CGB8: variants seen among roughly 807,000 people sequenced by gnomAD.
CGB8 encodes chorionic gonadotropin, beta polypeptide 8.
CGB8 carries 2 observed loss-of-function variants against 7.6 expected under a neutral mutation model. That is an observed-to-expected ratio of 0.26 (90% confidence interval 0.11 to 0.83). The LOEUF is 0.83. Ranked by LOEUF, CGB8 falls within the 40% of genes least tolerant of loss-of-function variation. The pLI is 0.65. For synonymous variants in CGB8, 8 were observed against 91.5 expected, an observed-to-expected ratio of 0.09 and a Z score of 5.21; for missense variants, 16 against 208.2, an observed-to-expected ratio of 0.08 and a Z score of 5.68.
Position 49,048,870 on chromosome 19 carries a change from A to T in CGB8, c.-131T>A. The T allele has an allele frequency of 2.0e-6, 3 of 1,533,946 alleles. No homozygotes were observed. Among genetic ancestry groups the T allele is most frequent in the East Asian group, 2.3e-5 (1 of 44,386 alleles). On this transcript the variant is annotated 5_prime_UTR_variant, in exon 1 of 3. The change creates a new upstream start codon in the 5' untranslated region. Transcript: ENST00000448456. ...CCCTTCGGGGGGCAAGAGGTAGACA[A>T]GGCCAGGGGGGCGCAGGAGTGGCTC... is the stretch of plus-strand genomic sequence containing the variant.
At chr19:49,048,704 C>A (rs572481526) in intron 1 of CGB8, 21 bp downstream of exon 1, 15 of 1,612,922 alleles carry the variant, frequency 9.3e-6, no homozygotes, top group Admixed American at 1.7e-5. Context: ...TGGAAGGTGC[C>A]CAGGGGCCCT....
Position 49,048,770 on chromosome 19 carries a change from G to A in CGB8, c.-31C>T. 1 of 1,612,984 alleles carries A rather than the reference G, an allele frequency of 6.2e-7. No individual in the cohort carries two copies. The highest frequency in any genetic ancestry group is 8.5e-7 in the Non-Finnish European group (1 of 1,179,842). On this transcript the variant is annotated 5_prime_UTR_variant, in exon 1 of 3. Transcript: ENST00000448456. ...GTGTGTCCCCTGCCTCGTGTACCTG[G>A]CTTTAAACCTCGGGGTTGTGGGGGC... is the stretch of plus-strand genomic sequence containing the variant.
Position 49,048,828 on chromosome 19 carries a change from A to C in CGB8, c.-89T>G. 1.9e-6 allele frequency: 3 copies of C among 1,594,018 alleles called. No homozygotes were observed. Among genetic ancestry groups the C allele is most frequent in the Non-Finnish European group, 2.6e-6 (3 of 1,173,208 alleles). On this transcript the variant is annotated 5_prime_UTR_variant, in exon 1 of 3. Coordinates refer to ENST00000448456, the MANE Select transcript of CGB8 (RefSeq NM_033183.3). Reference sequence around the variant, plus strand: ...CCACCAGGAGGTTGTAGGATGCTGGAGTGAGCTCGACACTAACCCTTCGGG... The same window carrying C: ...CCACCAGGAGGTTGTAGGATGCTGGCGTGAGCTCGACACTAACCCTTCGGG...
chr19:49,048,522 G>C (rs1179177748), intron 1 of CGB8, 150 bp from the exon 2 acceptor site: 1 of 1,559,240 alleles, frequency 6.4e-7, no homozygotes, highest in Non-Finnish European at 8.7e-7. Context: ...CTGCCTTTCA[G>C]AGCCCACCCC....
At position 49,048,999 on chromosome 19, in the gene CGB8, T is replaced by A; in HGVS notation, c.-260A>T. On this transcript the variant is annotated 5_prime_UTR_variant, in exon 1 of 3. Coordinates refer to ENST00000448456, the MANE Select transcript of CGB8 (RefSeq NM_033183.3). ...GACTCAGTCGTCGAGTGCTAGGGAC[T>A]AGTCGAGCCTGGAGGCACAGGGAGT... is the stretch of plus-strand genomic sequence containing the variant. 2.2e-6 allele frequency: 3 copies of A among 1,375,136 alleles called. No individual in the cohort carries two copies. Among genetic ancestry groups the A allele is most frequent in the South Asian group, 3.1e-5 (2 of 64,584 alleles). 85.2% of individuals were successfully genotyped at this position (1,375,136 alleles called of 1,614,324 possible).
chr19:49,048,828 A>G lies in CGB8; in HGVS notation c.-89T>C, dbSNP rs191081201. On this transcript the variant is annotated 5_prime_UTR_variant, in exon 1 of 3. Transcript: ENST00000448456. ...CCACCAGGAGGTTGTAGGATGCTGG[A>G]GTGAGCTCGACACTAACCCTTCGGG... 5,358 of 1,589,774 alleles carry G rather than the reference A, an allele frequency of 3.4e-3. 197 individuals carry two copies. The African/African-American group carries it at 0.067, about 20-fold the overall frequency.
At position 49,049,107 on chromosome 19, in the gene CGB8, G is replaced by A; in HGVS notation, c.-368C>T. On this transcript the variant is annotated 5_prime_UTR_variant, in exon 1 of 3. Transcript: ENST00000448456. ...CGTGACCCGAGAAAGGTGCTGGACT[G>A]AAGCCTCAACCCTCCTCTACTTGAG... 1 of 1,146,042 alleles carries A rather than the reference G, an allele frequency of 8.7e-7. No individual in the cohort carries two copies. The highest frequency in any genetic ancestry group is 1.1e-6 in the Non-Finnish European group (1 of 924,374). 71.0% of individuals were successfully genotyped at this position (1,146,042 alleles called of 1,614,324 possible).
In CGB8 at chr19:49,049,036, A is replaced by C. The variant is rs2039967593; in HGVS notation, c.-297T>G. 7.8e-7 allele frequency: 1 copy of C among 1,277,376 alleles called. No homozygotes were observed. The highest frequency in any genetic ancestry group is 1.8e-5 in the South Asian group (1 of 54,746). 79.1% of individuals were successfully genotyped at this position (1,277,376 alleles called of 1,614,324 possible). A position where few individuals can be genotyped will look rare whatever the true frequency, so the allele number is the denominator to read the frequency against. ...GAGGCACAGGGAGTAGGGTGTAGGA[A>C]GGCCTGCCTCTGCCTATGGTGGGGT... On this transcript the variant is annotated 5_prime_UTR_variant, in exon 1 of 3. Transcript: ENST00000448456.
intron 1 of CGB8, 56 bp downstream of exon 1, chr19:49,048,669 A>G (rs2039962984): frequency 4.3e-6 from 7 of 1,612,300 alleles, no homozygotes; most frequent in Non-Finnish European, 5.1e-6. Flanking sequence ...GCCCCTTCTC[A>G]TGCCAGTGAT....
rs1253381999 is a variant in CGB8 at position 49,048,903 on chromosome 19, C to T, written c.-164G>A. 12 of 1,316,510 alleles carry T rather than the reference C, an allele frequency of 9.1e-6. No individual in the cohort carries two copies. Among genetic ancestry groups the T allele is most frequent in the East Asian group, 7.1e-5 (3 of 42,400 alleles). The allele number at this position is 1,316,510 out of a possible 1,614,324, so 81.6% of individuals were successfully genotyped here. The stretch of plus-strand genomic sequence containing the variant: ...GGGGCGCAGGAGTGGCTCAGCGGAG[C>T]GCCCCAGCCCTCTCCTCTCACTGGT... On this transcript the variant is annotated 5_prime_UTR_variant, in exon 1 of 3. Transcript: ENST00000448456.
chr19:49,048,241 G>C lies in CGB8; in HGVS notation c.147C>G (p.Val49=). ...EKEGCPVCIT[V]NTTICAGYCP... ...AGTAGCCGGCACAGATGGTGGTGTT[G>C]ACGGTGATGCACACGGGGCAGCCCT... Residue 49 remains valine (V), a synonymous_variant, in exon 2 of 3, where the codon GTC becomes GTG. Transcript: ENST00000448456. 6.4e-7 allele frequency: 1 copy of C among 1,552,032 alleles called. No individual in the cohort carries two copies. Among genetic ancestry groups the C allele is most frequent in the Non-Finnish European group, 8.7e-7 (1 of 1,154,712 alleles).
chr19:49,047,651 GC>G lies in CGB8; in HGVS notation c.*3del, dbSNP rs2039952438. ...ACACCTCCAGAGTGCGGATTGAGAAGCCTTTATTGTGGGAGGATCGGGGTGT... is the reference window on the plus strand; with the variant it reads ...ACACCTCCAGAGTGCGGATTGAGAAGCTTTATTGTGGGAGGATCGGGGTGT... On this transcript the variant is annotated 3_prime_UTR_variant, in exon 3 of 3. Transcript: ENST00000448456. 4 of 1,608,996 alleles carry G rather than the reference GC, an allele frequency of 2.5e-6. No individual in the cohort carries two copies. Among genetic ancestry groups the G allele is most frequent in the African/African-American group, 1.3e-5 (1 of 74,634 alleles).
rs541692276 is a variant in CGB8, at chr19:49,049,077, G to A, written c.-338C>T. 111 of 1,221,060 alleles carry A rather than the reference G, an allele frequency of 9.1e-5. No homozygotes were observed. The East Asian group carries it at 2.0e-3, about 22-fold the overall frequency. The allele number at this position is 1,221,060 out of a possible 1,614,324, so 75.6% of individuals were successfully genotyped here. A position where few individuals can be genotyped will look rare whatever the true frequency, so the allele number is the denominator to read the frequency against. The stretch of plus-strand genomic sequence containing the variant: ...ATGGTGGGGTCCTGGGAGCCAGGAG[G>A]AGGCCGTGACCCGAGAAAGGTGCTG... On this transcript the variant is annotated 5_prime_UTR_variant, in exon 1 of 3. Coordinates refer to ENST00000448456, the MANE Select transcript of CGB8 (RefSeq NM_033183.3).
Position 49,048,831 on chromosome 19 carries a change from G to C in CGB8, c.-92C>G. Reference sequence around the variant, plus strand: ...CCAGGAGGTTGTAGGATGCTGGAGTGAGCTCGACACTAACCCTTCGGGGGG... The same window carrying C: ...CCAGGAGGTTGTAGGATGCTGGAGTCAGCTCGACACTAACCCTTCGGGGGG... On this transcript the variant is annotated 5_prime_UTR_variant, in exon 1 of 3. Transcript: ENST00000448456. The C allele has an allele frequency of 6.2e-7, 1 of 1,610,054 alleles. No homozygotes were observed. The highest frequency in any genetic ancestry group is 8.5e-7 in the Non-Finnish European group (1 of 1,177,830).
Position 49,048,941 on chromosome 19 carries a change from G to C in CGB8, c.-202C>G. The C allele has an allele frequency of 1.5e-6, 2 of 1,351,304 alleles. No individual in the cohort carries two copies. The highest frequency in any genetic ancestry group is 2.0e-6 in the Non-Finnish European group (2 of 1,006,222). 83.7% of individuals were successfully genotyped at this position (1,351,304 alleles called of 1,614,324 possible). ...TCCTCTCACTGGTCCAGCGCCAAGG[G>C]TGAGGCGGAGACCACGGTGAAGTGA... On this transcript the variant is annotated 5_prime_UTR_variant, in exon 1 of 3. Coordinates refer to ENST00000448456, the MANE Select transcript of CGB8 (RefSeq NM_033183.3).
rs1409650202 is a variant in CGB8 at position 49,048,970 on chromosome 19, C to T, written c.-231G>A. 10 of 1,398,978 alleles carry T rather than the reference C, an allele frequency of 7.1e-6. No homozygotes were observed. In the East Asian group the frequency reaches 2.5e-4, roughly 35 times the overall value. The allele number at this position is 1,398,978 out of a possible 1,614,324, so 86.7% of individuals were successfully genotyped here. Reference sequence around the variant, plus strand: ...GGCGGAGACCACGGTGAAGTGACCTCAGAGACTCAGTCGTCGAGTGCTAGG... The same window carrying T: ...GGCGGAGACCACGGTGAAGTGACCTTAGAGACTCAGTCGTCGAGTGCTAGG... On this transcript the variant is annotated 5_prime_UTR_variant, in exon 1 of 3. Coordinates refer to ENST00000448456, the MANE Select transcript of CGB8 (RefSeq NM_033183.3).
At position 49,048,760 on chromosome 19, in the gene CGB8, C is replaced by T. The variant is rs373970115; in HGVS notation, c.-21G>A. 2.0e-5 allele frequency: 33 copies of T among 1,611,168 alleles called. No homozygotes were observed. The highest frequency in any genetic ancestry group is 2.6e-5 in the Non-Finnish European group (31 of 1,179,614). On this transcript the variant is annotated 5_prime_UTR_variant, in exon 1 of 3. Coordinates refer to ENST00000448456, the MANE Select transcript of CGB8 (RefSeq NM_033183.3). ...TCCATCCTTGGTGTGTCCCCTGCCT[C>T]GTGTACCTGGCTTTAAACCTCGGGG...
Position 49,048,856 on chromosome 19 carries a change from G to T in CGB8, c.-117C>A, listed in dbSNP as rs1459529823. Reference sequence around the variant, plus strand: ...GAGCTCGACACTAACCCTTCGGGGGGCAAGAGGTAGACAAGGCCAGGGGGG... The same window carrying T: ...GAGCTCGACACTAACCCTTCGGGGGTCAAGAGGTAGACAAGGCCAGGGGGG... On this transcript the variant is annotated 5_prime_UTR_variant, in exon 1 of 3. Coordinates refer to ENST00000448456, the MANE Select transcript of CGB8 (RefSeq NM_033183.3). 1.1e-5 allele frequency: 17 copies of T among 1,584,514 alleles called. No homozygotes were observed. Among genetic ancestry groups the T allele is most frequent in the Non-Finnish European group, 1.4e-5 (16 of 1,157,718 alleles).
At position 49,048,895 on chromosome 19, in the gene CGB8, C is replaced by A. The variant is rs1315990221; in HGVS notation, c.-156G>T. 1.1e-5 allele frequency: 15 copies of A among 1,361,514 alleles called. No individual in the cohort carries two copies. The Admixed American group carries it at 3.1e-4, about 28-fold the overall frequency. 84.3% of individuals were successfully genotyped at this position (1,361,514 alleles called of 1,614,324 possible). ...AGGCCAGGGGGGCGCAGGAGTGGCT[C>A]AGCGGAGCGCCCCAGCCCTCTCCTC... On this transcript the variant is annotated 5_prime_UTR_variant, in exon 1 of 3. Transcript: ENST00000448456.
Sources: gnomAD v4.1 joint callset for allele counts on GRCh38, gnomAD v4.1.1 for gene constraint, MANE v1.5 for transcripts, NCBI Gene and HGNC (gene_info 2026-07-23, HGNC 2026-07-21) for gene names.